Variants in LRRC3 observed in about 807,000 individuals in gnomAD.
LRRC3 encodes the protein leucine rich repeat containing 3.
For missense variants in LRRC3, 351 were observed against 361.6 expected (o/e 0.97, Z 0.24); for synonymous variants, 172 against 164.1 (o/e 1.05, Z -0.37).
In LRRC3 at chr21:44,459,325, G is replaced by A. The variant is rs545990932; in HGVS notation, c.*1907G>A. The A allele has an allele frequency of 1.3e-5, 2 of 152,362 alleles. No homozygotes were observed. The highest frequency in any genetic ancestry group is 1.3e-4 in the Admixed American group (2 of 15,282). 9.4% of individuals were successfully genotyped at this position (152,362 alleles called of 1,614,324 possible). A position where few individuals can be genotyped will look rare whatever the true frequency, so the allele number is the denominator to read the frequency against. On this transcript the variant is annotated 3_prime_UTR_variant, in exon 2 of 2. Coordinates refer to ENST00000291592, the MANE Select transcript of LRRC3 (RefSeq NM_030891.6). ...GCGCTGACACAGCAGAGTGCCCTGGGCCCGTGGGGATTTCCTTCCAGAGGA... is the reference window on the plus strand; with the variant it reads ...GCGCTGACACAGCAGAGTGCCCTGGACCCGTGGGGATTTCCTTCCAGAGGA...
At position 44,458,113 on chromosome 21, in the gene LRRC3, C is replaced by T. The variant is rs544469439; in HGVS notation, c.*695C>T. On this transcript the variant is annotated 3_prime_UTR_variant, in exon 2 of 2. Coordinates refer to ENST00000291592, the MANE Select transcript of LRRC3 (RefSeq NM_030891.6). Reference sequence around the variant, plus strand: ...TGGGGTGAACAATATGGAGAGAGACCTGGGAAAAGTCCAGGGTAGCTTGCC... The same window carrying T: ...TGGGGTGAACAATATGGAGAGAGACTTGGGAAAAGTCCAGGGTAGCTTGCC... The T allele has an allele frequency of 7.2e-5, 12 of 165,746 alleles. No individual in the cohort carries two copies. Among genetic ancestry groups the T allele is most frequent in the Admixed American group, 2.0e-4 (3 of 15,304 alleles). The allele number at this position is 165,746 out of a possible 1,614,324, so 10.3% of individuals were successfully genotyped here.
Position 44,456,578 on chromosome 21 carries a change from C to T in LRRC3, c.-67C>T, listed in dbSNP as rs944508286. 28 of 1,491,658 alleles carry T rather than the reference C, an allele frequency of 1.9e-5. No homozygotes were observed. Among genetic ancestry groups the T allele is most frequent in the South Asian group, 5.2e-5 (4 of 77,378 alleles). The allele number at this position is 1,491,658 out of a possible 1,614,324, so 92.4% of individuals were successfully genotyped here. A position where few individuals can be genotyped will look rare whatever the true frequency, so the allele number is the denominator to read the frequency against. ...GTCTGGTTGGATAAGGCCTTGCCTG[C>T]GGAAACCAGCTCCATCCCCAGGCCC... On this transcript the variant is annotated 5_prime_UTR_variant, in exon 2 of 2. Transcript: ENST00000291592.
At position 44,458,769 on chromosome 21, in the gene LRRC3, G is replaced by A. The variant is rs78485053; in HGVS notation, c.*1351G>A. On this transcript the variant is annotated 3_prime_UTR_variant, in exon 2 of 2. Transcript: ENST00000291592. Reference sequence around the variant, plus strand: ...AAGTACTTTGAGTATTTTTGGGGGGGGTGTAAATGAGTGATCAGTGTACAT... The same window carrying A: ...AAGTACTTTGAGTATTTTTGGGGGGAGTGTAAATGAGTGATCAGTGTACAT... 1.8e-5 allele frequency: 3 copies of A among 166,918 alleles called. No homozygotes were observed. Among genetic ancestry groups the A allele is most frequent in the African/African-American group, 7.3e-5 (3 of 41,358 alleles). 10.3% of individuals were successfully genotyped at this position (166,918 alleles called of 1,614,324 possible).
Position 44,457,190 on chromosome 21 carries a change from G to A in LRRC3, c.546G>A (p.Gly182=), listed in dbSNP as rs779541560. 1.1e-4 allele frequency: 176 copies of A among 1,612,796 alleles called. 1 individual carries two copies. The Admixed American group carries it at 2.8e-3, about 25-fold the overall frequency. Residue 182 remains glycine (G), a synonymous_variant, in exon 2 of 2, where the codon GGG becomes GGA. Coordinates refer to ENST00000291592, the MANE Select transcript of LRRC3 (RefSeq NM_030891.6). Reference sequence around the variant, plus strand: ...CCTCAGTGCAGGAGGAGTTTGTGGGGAAGCCTCTGGTTCAGGCTCTGGATG... The same window carrying A: ...CCTCAGTGCAGGAGGAGTTTGTGGGAAAGCCTCTGGTTCAGGCTCTGGATG... The part of the protein sequence containing the change: ...CHTSVQEEFV[G]KPLVQALDAG...
In LRRC3 at chr21:44,460,009, C is replaced by T. The variant is rs2051733586; in HGVS notation, c.*2591C>T. On this transcript the variant is annotated 3_prime_UTR_variant, in exon 2 of 2. Transcript: ENST00000291592. ...CAACATAGGTGAAAGCACCTCCCCT[C>T]TAAGGAAGACCATAGAGACCCCAAC... 1 of 152,420 alleles carries T rather than the reference C, an allele frequency of 6.6e-6. No individual in the cohort carries two copies. The allele number at this position is 152,420 out of a possible 1,614,324, so 9.4% of individuals were successfully genotyped here.
rs200409551 is a variant in LRRC3 at position 44,457,097 on chromosome 21, C to T, written c.453C>T (p.Cys151=). 1.3e-5 allele frequency: 21 copies of T among 1,610,982 alleles called. No individual in the cohort carries two copies. The Admixed American group carries it at 1.7e-4, about 13-fold the overall frequency. The change falls in exon 2 of 2, where the codon TGC becomes TGT. Residue 151 remains cysteine, a synonymous_variant. Transcript: ENST00000291592. ...RLSHNPLHCE[C]ALQEALWELK... is the part of the protein sequence containing the mutation. ...CCCACAACCCCCTGCACTGCGAGTG[C>T]GCCCTGCAGGAGGCCCTGTGGGAGC...
rs761564942 is a variant in LRRC3, at chr21:44,456,933, C to T, written c.289C>T (p.His97Tyr). 6.2e-7 allele frequency: 1 copy of T among 1,610,626 alleles called. No homozygotes were observed. The highest frequency in any genetic ancestry group is 8.5e-7 in the Non-Finnish European group (1 of 1,179,886). The change falls in exon 2 of 2, where the codon CAC becomes TAC. Residue 97 changes from histidine (H) to tyrosine (Y), a missense_variant. Transcript: ENST00000291592. ...LHRLRELDLS[H>Y]NAIEAIGSAT... Reference sequence around the variant, plus strand: ...CCGGCTCAGGGAGCTGGATCTGTCTCACAACGCCATCGAGGCCATCGGCTC... The same window carrying T: ...CCGGCTCAGGGAGCTGGATCTGTCTTACAACGCCATCGAGGCCATCGGCTC...
chr21:44,457,555 A>C lies in LRRC3; in HGVS notation c.*137A>C. On this transcript the variant is annotated 3_prime_UTR_variant, in exon 2 of 2. Transcript: ENST00000291592. Reference sequence around the variant, plus strand: ...CACTGTTGCACTCAGGCACAGCAGCACCTCCAGGCTGGGTGGTTTTGCCAC... The same window carrying C: ...CACTGTTGCACTCAGGCACAGCAGCCCCTCCAGGCTGGGTGGTTTTGCCAC... 9.9e-7 allele frequency: 1 copy of C among 1,006,548 alleles called. No homozygotes were observed. The allele number at this position is 1,006,548 out of a possible 1,614,324, so 62.4% of individuals were successfully genotyped here.
At position 44,456,562 on chromosome 21, in the gene LRRC3, G is replaced by A. The variant is rs2051701369; in HGVS notation, c.-83G>A. On this transcript the variant is annotated 5_prime_UTR_variant, in exon 2 of 2. It introduces an in-frame stop codon into an upstream open reading frame of the 5' UTR. Transcript: ENST00000291592. ...AGGATGGCGGTTTCATGTCTGGTTGGATAAGGCCTTGCCTGCGGAAACCAG... is the reference window on the plus strand; with the variant it reads ...AGGATGGCGGTTTCATGTCTGGTTGAATAAGGCCTTGCCTGCGGAAACCAG... 2.1e-6 allele frequency: 3 copies of A among 1,429,728 alleles called. No homozygotes were observed. The highest frequency in any genetic ancestry group is 4.6e-5 in the East Asian group (2 of 43,530). The allele number at this position is 1,429,728 out of a possible 1,614,324, so 88.6% of individuals were successfully genotyped here.
chr21:44,456,806 C>T lies in LRRC3; in HGVS notation c.162C>T (p.Gly54=), dbSNP rs139733091. ...TGGCTGTCTTCTGCAGCTTGCGGGG[C>T]CTTCAGGAGGTCCCCGAGGACATCC... is the stretch of plus-strand genomic sequence containing the variant. ...GAVAVFCSLR[G]LQEVPEDIPA... The change falls in exon 2 of 2, where the codon GGC becomes GGT. Residue 54 remains glycine (G), a synonymous_variant. Coordinates refer to ENST00000291592, the MANE Select transcript of LRRC3 (RefSeq NM_030891.6). 4 of 1,611,692 alleles carry T rather than the reference C, an allele frequency of 2.5e-6. No individual in the cohort carries two copies. Among genetic ancestry groups the T allele is most frequent in the African/African-American group, 1.3e-5 (1 of 74,914 alleles).
In LRRC3 at chr21:44,457,315, A is replaced by G. The variant is rs1601289097; in HGVS notation, c.671A>G (p.Tyr224Cys). 4.3e-6 allele frequency: 7 copies of G among 1,613,566 alleles called. No individual in the cohort carries two copies. In the East Asian group the frequency reaches 1.6e-4, roughly 36 times the overall value. Residue 224 changes from tyrosine to cysteine, a missense_variant, in exon 2 of 2, where the codon TAC becomes TGC. Physicochemically the swap from Tyr to Cys is radical, Grantham distance 194. Transcript: ENST00000291592. ...WFAMVIAYVV[Y>C]YVRHNQEDAR... The stretch of plus-strand genomic sequence containing the variant: ...GCCATGGTGATCGCCTACGTCGTGT[A>G]CTATGTGCGCCACAACCAGGAGGAT...
At position 44,461,781 on chromosome 21, in the gene LRRC3, A is replaced by T. The variant is rs2051748106; in HGVS notation, c.*4363A>T. 1 of 152,398 alleles carries T rather than the reference A, an allele frequency of 6.6e-6. No homozygotes were observed. Among genetic ancestry groups the T allele is most frequent in the African/African-American group, 2.4e-5 (1 of 41,486 alleles). 9.4% of individuals were successfully genotyped at this position (152,398 alleles called of 1,614,324 possible). A position where few individuals can be genotyped will look rare whatever the true frequency, so the allele number is the denominator to read the frequency against. The stretch of plus-strand genomic sequence containing the variant: ...CAAAATGCAGAGGTCACCAGAGCCA[A>T]GGCAGCAAGGCAAGGAGCCCGGCTT... On this transcript the variant is annotated 3_prime_UTR_variant, in exon 2 of 2. Transcript: ENST00000291592.
At position 44,457,162 on chromosome 21, in the gene LRRC3, A is replaced by C; in HGVS notation, c.518A>C (p.His173Pro). 1.2e-6 allele frequency: 2 copies of C among 1,613,658 alleles called. No individual in the cohort carries two copies. The highest frequency in any genetic ancestry group is 1.7e-6 in the Non-Finnish European group (2 of 1,180,018). The change falls in exon 2 of 2, where the codon CAC becomes CCC. Residue 173 changes from histidine (H) to proline (P), a missense_variant. His to Pro is a moderately conservative substitution (Grantham distance 77). Coordinates refer to ENST00000291592, the MANE Select transcript of LRRC3 (RefSeq NM_030891.6). ...DPDSVDEIACHTSVQEEFVGK... is the reference protein window; with the variant it reads ...DPDSVDEIACPTSVQEEFVGK... ...GACTCTGTGGACGAGATCGCCTGCCACACCTCAGTGCAGGAGGAGTTTGTG... is the reference window on the plus strand; with the variant it reads ...GACTCTGTGGACGAGATCGCCTGCCCCACCTCAGTGCAGGAGGAGTTTGTG...
intron 1 of LRRC3, among the ~76,000 whole-genome samples, 178 bp downstream of exon 1, chr21:44,455,833 G>A (rs950147854): frequency 3.3e-5 from 5 of 151,692 alleles, no homozygotes; most frequent in Non-Finnish European, 7.4e-5. Flanking sequence ...GCGCGGCCCC[G>A]CCGTCCACGC....
At chr21:44,456,235 G>A (rs1466644931) in intron 1 of LRRC3, among the ~76,000 whole-genome samples, 1 of 152,182 alleles carries the variant, frequency 6.6e-6, no homozygotes, top group African/African-American at 2.4e-5. Context: ...AGGGGTGGCC[G>A]CAGTGACCAC....
Position 44,457,542 on chromosome 21 carries a change from C to A in LRRC3, c.*124C>A. 9.1e-7 allele frequency: 1 copy of A among 1,102,616 alleles called. No individual in the cohort carries two copies. The highest frequency in any genetic ancestry group is 1.3e-6 in the Non-Finnish European group (1 of 783,932). The allele number at this position is 1,102,616 out of a possible 1,614,324, so 68.3% of individuals were successfully genotyped here. A position where few individuals can be genotyped will look rare whatever the true frequency, so the allele number is the denominator to read the frequency against. ...CATGTGTGCTCCCCACTGTTGCACT[C>A]AGGCACAGCAGCACCTCCAGGCTGG... On this transcript the variant is annotated 3_prime_UTR_variant, in exon 2 of 2. Transcript: ENST00000291592.
chr21:44,457,659 C>G lies in LRRC3; in HGVS notation c.*241C>G. On this transcript the variant is annotated 3_prime_UTR_variant, in exon 2 of 2. Coordinates refer to ENST00000291592, the MANE Select transcript of LRRC3 (RefSeq NM_030891.6). ...CGTGACGATACCATCAGGAAATTAT[C>G]CCAGTGGAACTTCAACCCGGGCTGT... 1 of 549,998 alleles carries G rather than the reference C, an allele frequency of 1.8e-6. No homozygotes were observed. The highest frequency in any genetic ancestry group is 3.3e-6 in the Non-Finnish European group (1 of 304,220). 34.1% of individuals were successfully genotyped at this position (549,998 alleles called of 1,614,324 possible).
At position 44,457,286 on chromosome 21, in the gene LRRC3, G is replaced by A; in HGVS notation, c.642G>A (p.Trp214Ter). The A allele has an allele frequency of 6.2e-7, 1 of 1,613,828 alleles. No individual in the cohort carries two copies. ...CCATGCTGGTCACCATGTTCGGCTG[G>A]TTCGCCATGGTGATCGCCTACGTCG... Reference protein sequence around the residue: ...DVAMLVTMFGWFAMVIAYVVY... With the variant: ...DVAMLVTMFG The change falls in exon 2 of 2, where the codon TGG becomes TGA. Residue 214 changes from tryptophan to a stop codon, truncating the protein, a stop_gained. Transcript: ENST00000291592. LOFTEE classifies it high-confidence loss of function.
rs1187474771 is a variant in LRRC3 at position 44,461,347 on chromosome 21, T to G, written c.*3929T>G. On this transcript the variant is annotated 3_prime_UTR_variant, in exon 2 of 2. Coordinates refer to ENST00000291592, the MANE Select transcript of LRRC3 (RefSeq NM_030891.6). ...TGGGTGAGTGAGGAGGCTCCTCTCA[T>G]GAAGGGCCCTGGGGAAGTGGAATCT... is the stretch of plus-strand genomic sequence containing the variant. The G allele has an allele frequency of 2.6e-5, 4 of 152,358 alleles. No homozygotes were observed. The highest frequency in any genetic ancestry group is 5.9e-5 in the Non-Finnish European group (4 of 68,234). 9.4% of individuals were successfully genotyped at this position (152,358 alleles called of 1,614,324 possible).
Sources: gnomAD v4.1 joint callset for allele counts (sites outside exome capture counted in the v4.1 genomes callset) on GRCh38, gnomAD v4.1.1 for gene constraint, MANE v1.5 for transcripts, NCBI Gene and HGNC (gene_info 2026-07-23, HGNC 2026-07-21) for gene names.